GPATCH2L: variants seen among roughly 807,000 people sequenced by gnomAD.
GPATCH2L encodes the protein G-patch domain containing 2 like.
A neutral mutation model predicts 57.4 loss-of-function variants in GPATCH2L; 31 were observed. The observed-to-expected ratio is 0.54, with a 90% CI of 0.41 to 0.73. The LOEUF is 0.73. GPATCH2L is among the 30% of genes least tolerant of loss of function. GPATCH2L has a pLI of 0.00. For missense variants in GPATCH2L, 481 were observed against 599.9 expected, an observed-to-expected ratio of 0.80 and a Z score of 2.07; for synonymous variants, 199 against 210.7, an observed-to-expected ratio of 0.94 and a Z score of 0.48.
At chr14:76,160,151 A>G (rs2038511959) in intron 2 of GPATCH2L, among the ~76,000 whole-genome samples, 1 of 152,182 alleles carries the variant, frequency 6.6e-6, no homozygotes, top group Admixed American at 6.5e-5. Flanking sequence ...CTCAAAAAAA[A>G]AGAAAAAAGA....
In GPATCH2L at chr14:76,204,738, G is replaced by C. The variant is rs1450448116; in HGVS notation, c.*2887G>C. ...GTAATAACTAAAGCTGAGTTAAACA[G>C]TTGTTATTTATTTCAGGGTTCTGAT... On this transcript the variant is annotated 3_prime_UTR_variant, in exon 10 of 10. Coordinates refer to ENST00000261530, the MANE Select transcript of GPATCH2L (RefSeq NM_017926.4). The C allele has an allele frequency of 1.3e-5, 2 of 152,188 alleles. No homozygotes were observed. The highest frequency in any genetic ancestry group is 2.9e-5 in the Non-Finnish European group (2 of 68,032). 9.4% of individuals were successfully genotyped at this position (152,188 alleles called of 1,614,324 possible).
intron 1 of GPATCH2L, among the ~76,000 whole-genome samples, chr14:76,229,203 C>T (rs192528801): frequency 7.6e-4 from 116 of 152,302 alleles, no homozygotes; most frequent in Admixed American, 2.1e-3. Flanking sequence ...TTAGGAGTGG[C>T]GTGAGTGAAC....
At chr14:76,172,639 C>T (rs1362355679) in intron 4 of GPATCH2L, among the ~76,000 whole-genome samples, 1 of 152,158 alleles carries the variant, frequency 6.6e-6, no homozygotes, top group Non-Finnish European at 1.5e-5. Flanking sequence ...CCTGGGATGA[C>T]AGGGTCATCA....
intron 8 of GPATCH2L, among the ~76,000 whole-genome samples, chr14:76,182,265 G>A (rs1480733672): frequency 6.6e-6 from 1 of 150,902 alleles, no homozygotes; most frequent in Admixed American, 6.6e-5. Context: ...CCTGAGGCAG[G>A]AGAATGGCGT....
chr14:76,229,304 A>C (rs1429819309), intron 1 of GPATCH2L, among the ~76,000 whole-genome samples: 2 of 152,202 alleles, frequency 1.3e-5, no homozygotes, highest in Non-Finnish European at 2.9e-5. Context: ...TCACTGTTTC[A>C]TGATAGAATA....
intron 5 of GPATCH2L, chr14:76,176,345 A>G (rs2039327436): frequency 2.4e-6 from 1 of 411,134 alleles, no homozygotes; most frequent in Non-Finnish European, 4.4e-6. Context: ...CAGGAGGTAT[A>G]GTACTTATTA....
intron 8 of GPATCH2L, among the ~76,000 whole-genome samples, chr14:76,187,992 A>T (rs772546874): frequency 5.9e-5 from 9 of 152,130 alleles, no homozygotes; most frequent in Non-Finnish European, 1.2e-4. Flanking sequence ...TGCCTGGTCT[A>T]TCTTACTTAA....
intron 8 of GPATCH2L, among the ~76,000 whole-genome samples, chr14:76,191,302 T>C (rs1166459489): frequency 6.6e-6 from 1 of 152,104 alleles, no homozygotes; most frequent in African/African-American, 2.4e-5. Context: ...GGGGAAGTGG[T>C]CAACCTCCTT....
intron 7 of GPATCH2L, chr14:76,178,352 A>G: frequency 1.1e-6 from 1 of 939,194 alleles, no homozygotes; most frequent in Non-Finnish European, 1.5e-6. Flanking sequence ...AGTGGGGTCA[A>G]AGCCTTAGAG....
At chr14:76,188,994 G>A (rs1312630935) in intron 8 of GPATCH2L, among the ~76,000 whole-genome samples, 2 of 152,028 alleles carry the variant, frequency 1.3e-5, no homozygotes, top group Non-Finnish European at 2.9e-5. Context: ...TGGCACCTTT[G>A]CTGAAAATGA....
downstream of GPATCH2L, among the ~76,000 whole-genome samples, chr14:76,219,052 G>A (rs2040502277): frequency 1.3e-5 from 2 of 149,494 alleles, no homozygotes; most frequent in South Asian, 4.2e-4. Flanking sequence ...TAAGACTGGG[G>A]AAGGCCTTTC....
At chr14:76,215,244 A>G (rs1216854712), downstream of GPATCH2L, among the ~76,000 whole-genome samples, 2 of 152,078 alleles carry the variant, frequency 1.3e-5, no homozygotes, top group African/African-American at 2.4e-5. Context: ...TAGAATGGCA[A>G]TCATTAAAAA....
chr14:76,178,059 C>T lies in GPATCH2L; in HGVS notation c.1107+17C>T, dbSNP rs746431449. ...GCACATGAGGTAAGGTTTCCTCTTT[C>T]TTGTTATTTTGATTTTCTTGGAGAA... is the stretch of plus-strand genomic sequence containing the variant. On this transcript the variant is annotated intron_variant, in intron 7 of 9. Coordinates refer to ENST00000261530, the MANE Select transcript of GPATCH2L (RefSeq NM_017926.4). The T allele has an allele frequency of 6.3e-7, 1 of 1,582,678 alleles. No individual in the cohort carries two copies. The highest frequency in any genetic ancestry group is 8.7e-7 in the Non-Finnish European group (1 of 1,154,464).
rs1157389595 is a variant in GPATCH2L, at chr14:76,207,593, G to A, written c.*5742G>A. On this transcript the variant is annotated 3_prime_UTR_variant, in exon 10 of 10. Transcript: ENST00000261530. ...TAGATGTGTAATAAATACCTGTTGA[G>A]TTATTGGTAATCTCTTGCTAGGACT... is the stretch of plus-strand genomic sequence containing the variant. 2 of 152,092 alleles carry A rather than the reference G, an allele frequency of 1.3e-5. No individual in the cohort carries two copies. The highest frequency in any genetic ancestry group is 2.9e-5 in the Non-Finnish European group (2 of 68,024). The allele number at this position is 152,092 out of a possible 1,614,324, so 9.4% of individuals were successfully genotyped here.
chr14:76,217,242 C>G (rs1021938562), downstream of GPATCH2L, among the ~76,000 whole-genome samples: 1 of 152,044 alleles, frequency 6.6e-6, no homozygotes, highest in Non-Finnish European at 1.5e-5. Flanking sequence ...TTAAAGTGTT[C>G]AATAACAAAA....
At chr14:76,184,716 T>C (rs2039702600) in intron 8 of GPATCH2L, among the ~76,000 whole-genome samples, 1 of 152,200 alleles carries the variant, frequency 6.6e-6, no homozygotes, top group Admixed American at 6.5e-5. Context: ...AATAGCACTC[T>C]GGAAATAGTT....
chr14:76,219,569 A>T (rs574067410), intron 1 of GPATCH2L, among the ~76,000 whole-genome samples: 4 of 152,310 alleles, frequency 2.6e-5, no homozygotes, highest in East Asian at 1.9e-4. Flanking sequence ...GTATCTATAC[A>T]TGTGAAATAA....
intron 6 of GPATCH2L, among the ~76,000 whole-genome samples, chr14:76,177,710 TTTG>T (rs2039391923): frequency 6.7e-6 from 1 of 149,536 alleles, no homozygotes; most frequent in Non-Finnish European, 1.5e-5. Flanking sequence ...TTTTTTTGTT[TTTG>T]TTTTTGCAAA....
intron 1 of GPATCH2L, among the ~76,000 whole-genome samples, chr14:76,228,385 G>A (rs945615298): frequency 6.6e-6 from 1 of 152,162 alleles, no homozygotes; most frequent in Non-Finnish European, 1.5e-5. Flanking sequence ...AAAGAAAGAG[G>A]TTGCTTTCTC....
Sources: allele counts gnomAD v4.1 joint callset (sites outside exome capture counted in the v4.1 genomes callset), GRCh38; gene constraint gnomAD v4.1.1; transcripts MANE v1.5; gene names NCBI Gene and HGNC (gene_info 2026-07-23, HGNC 2026-07-21).